GSDME: variants seen among roughly 807,000 people sequenced by gnomAD.
GSDME encodes gasdermin-E.
Under a neutral mutation model 47.5 loss-of-function variants are expected in GSDME, and 44 were observed. The observed-to-expected ratio is 0.93, with a 90% CI of 0.73 to 1.19. The LOEUF (loss-of-function observed/expected upper bound fraction) is 1.19. GSDME is among the 50% of genes most tolerant of loss of function. The probability of loss-of-function intolerance (pLI) is 0.00; values close to 1 mark genes in which losing one functional copy is unlikely to be tolerated. For synonymous variants in GSDME, 258 were observed against 252.8 expected (o/e 1.02, Z -0.20); for missense variants, 663 against 604.2 (o/e 1.10, Z -1.02).
At chr7:24,764,916 A>G in the GSDME span, among the ~76,000 whole-genome samples, 1 of 152,184 alleles carries the variant, frequency 6.6e-6, no homozygotes, top group Non-Finnish European at 1.5e-5. The surrounding 1 kb of genome is among the most constrained non-coding windows in gnomAD (Gnocchi z 4.4). Context: ...ATAAATCTGG[A>G]TTCCTGCCTT....
Position 24,717,324 on chromosome 7 carries a change from C to T in GSDME, c.627G>A (p.Leu209=). 6.2e-7 allele frequency: 1 copy of T among 1,610,916 alleles called. No individual in the cohort carries two copies. The highest frequency in any genetic ancestry group is 8.5e-7 in the Non-Finnish European group (1 of 1,178,810). ...GNVTKDSNVV[L]EIPAATTIAY... is the part of the protein sequence containing the mutation. ...CAATGGTGGTGGCAGCTGGGATCTC[C>T]AGCACCACGTTGGAGTCCTTGGTGA... The change falls in exon 5 of 10, where the codon CTG becomes CTA. Residue 209 remains leucine (L), a synonymous_variant. Coordinates refer to ENST00000645220, the MANE Select transcript of GSDME (RefSeq NM_001127453.2).
chr7:24,774,140 C>T, the GSDME span, among the ~76,000 whole-genome samples: 2 of 152,142 alleles, frequency 1.3e-5, no homozygotes, highest in African/African-American at 4.8e-5. Flanking sequence ...TCCATCATGG[C>T]TGCTCCAAAG....
the GSDME span, among the ~76,000 whole-genome samples, chr7:24,769,953 T>A: frequency 1.4e-4 from 21 of 152,358 alleles, no homozygotes; most frequent in East Asian, 3.5e-3. Flanking sequence ...CCCTGGTTCC[T>A]GGCACAGAGC....
the GSDME span, among the ~76,000 whole-genome samples, chr7:24,770,002 T>G: frequency 3.0e-4 from 45 of 152,166 alleles, no homozygotes; most frequent in South Asian, 1.7e-3. The surrounding 1 kb of genome is among the most constrained non-coding windows in gnomAD (Gnocchi z 4.6). Flanking sequence ...TAAGTTTGTT[T>G]TTGGTGTTTA....
rs1222551956 is a variant in GSDME at position 24,708,223 on chromosome 7, T to C, written c.894A>G (p.Pro298=). The C allele has an allele frequency of 1.9e-6, 3 of 1,614,084 alleles. No homozygotes were observed. The highest frequency in any genetic ancestry group is 2.5e-6 in the Non-Finnish European group (3 of 1,180,032). The change falls in exon 7 of 10, where the codon CCA becomes CCG. Residue 298 remains proline (P), a synonymous_variant. Coordinates refer to ENST00000645220, the MANE Select transcript of GSDME (RefSeq NM_001127453.2). ...GTTGTGGCTCAGGCAGCTCCGCAAA[T>C]GGATGGAAATTCCTCTCCAGGAGCA... is the stretch of plus-strand genomic sequence containing the variant. The part of the protein sequence containing the change: ...ATLLLERNFH[P]FAELPEPQQT...
intron 9 of GSDME, among the ~76,000 whole-genome samples, chr7:24,699,520 A>G (rs1689961980): frequency 6.6e-6 from 1 of 152,060 alleles, no homozygotes; most frequent in Non-Finnish European, 1.5e-5. Context: ...TTGTATTTTT[A>G]GTAGAGATGG....
At chr7:24,753,368 T>A (rs1163069156) in intron 1 of GSDME, among the ~76,000 whole-genome samples, 1 of 152,242 alleles carries the variant, frequency 6.6e-6, no homozygotes, top group Non-Finnish European at 1.5e-5. Flanking sequence ...TTCTGCCACA[T>A]ACTCCCTTAT....
Position 24,721,864 on chromosome 7 carries a change from A to T in GSDME, c.405-2646T>A, listed in dbSNP as rs1789801378. On this transcript the variant is annotated intron_variant, in intron 3 of 9. Transcript: ENST00000645220. The surrounding 1 kb of genome is among the most constrained non-coding windows in gnomAD (Gnocchi z 4.1). ...GACTTTATCTTCCAGCCTTCTTACT[A>T]CTCCTTAAAAATGCCAGGTGTGTGC... Among the ~76,000 whole-genome samples, 1 of 151,736 alleles carries T rather than the reference A, an allele frequency of 6.6e-6. No homozygotes were observed. The highest frequency in any genetic ancestry group is 2.4e-5 in the African/African-American group (1 of 41,242).
chr7:24,774,205 A>G, the GSDME span, among the ~76,000 whole-genome samples: 11 of 151,612 alleles, frequency 7.3e-5, no homozygotes, highest in Non-Finnish European at 1.2e-4. Flanking sequence ...GCTCCTTAAC[A>G]TGAACAGTAT....
At chr7:24,723,013 A>G (rs890323738) in intron 3 of GSDME, among the ~76,000 whole-genome samples, 1 of 152,212 alleles carries the variant, frequency 6.6e-6, no homozygotes, top group Admixed American at 6.5e-5. Flanking sequence ...CATGCAGGCC[A>G]CTGGGAATCC....
At chr7:24,734,091 T>A (rs939207356) in intron 3 of GSDME, among the ~76,000 whole-genome samples, 9 of 152,150 alleles carry the variant, frequency 5.9e-5, no homozygotes, top group Non-Finnish European at 1.3e-4. Context: ...AGAGAGAGAC[T>A]CTGTTTTGGA....
At chr7:24,760,972 C>T (rs1791157857), upstream of GSDME, among the ~76,000 whole-genome samples, 1 of 152,158 alleles carries the variant, frequency 6.6e-6, no homozygotes, top group Non-Finnish European at 1.5e-5. The surrounding 1 kb of genome is among the most constrained non-coding windows in gnomAD (Gnocchi z 4.2). Flanking sequence ...CCAATATTGT[C>T]AAAATCAAAA....
chr7:24,755,310 T>C (rs1318217425), intron 1 of GSDME, among the ~76,000 whole-genome samples: 1 of 152,160 alleles, frequency 6.6e-6, no homozygotes, highest in Non-Finnish European at 1.5e-5. Context: ...ACCACCCCCC[T>C]TCCAATCATT....
At position 24,716,389 on chromosome 7, in the gene GSDME, C is replaced by T. The variant is rs544486398; in HGVS notation, c.697+865G>A. On this transcript the variant is annotated intron_variant, in intron 5 of 9. Coordinates refer to ENST00000645220, the MANE Select transcript of GSDME (RefSeq NM_001127453.2). This position sits in a 1 kb window ranked among gnomAD's most constrained non-coding sequence, Gnocchi z 4.5. The stretch of plus-strand genomic sequence containing the variant: ...TTTCATCCGTGAATGTTTCAGTGTA[C>T]ATCTCTCAAAGATAGGATGACTCAT... 6 of 152,358 alleles carry T rather than the reference C, an allele frequency of 3.9e-5. No homozygotes were observed. The highest frequency in any genetic ancestry group is 1.4e-4 in the African/African-American group (6 of 41,570). 9.4% of individuals were successfully genotyped at this position (152,358 alleles called of 1,614,324 possible). A position where few individuals can be genotyped will look rare whatever the true frequency, so the allele number is the denominator to read the frequency against.
chr7:24,717,221 G>T, intron 5 of GSDME, 33 bp downstream of exon 5: 1 of 1,613,676 alleles, frequency 6.2e-7, no homozygotes, highest in Non-Finnish European at 8.5e-7. Context: ...CTCTGCTGGG[G>T]ATCCCTCAGC....
intron 9 of GSDME, among the ~76,000 whole-genome samples, chr7:24,700,232 A>G (rs1178837956): frequency 6.6e-6 from 1 of 152,188 alleles, no homozygotes; most frequent in Non-Finnish European, 1.5e-5. Flanking sequence ...TGCCGTGCCT[A>G]CAACACAGAC....
chr7:24,777,823 A>T, the GSDME span, among the ~76,000 whole-genome samples: 1 of 152,184 alleles, frequency 6.6e-6, no homozygotes, highest in South Asian at 2.1e-4. Flanking sequence ...GCTTGAGCCC[A>T]GGAGTTTGAG....
the GSDME span, among the ~76,000 whole-genome samples, chr7:24,779,644 G>A: frequency 6.6e-6 from 1 of 152,168 alleles, no homozygotes; most frequent in African/African-American, 2.4e-5. The surrounding 1 kb of genome is among the most constrained non-coding windows in gnomAD (Gnocchi z 6.0). Context: ...CACGTATCAA[G>A]ACGTGCAGAG....
the GSDME span, among the ~76,000 whole-genome samples, chr7:24,794,116 G>A: frequency 6.6e-6 from 1 of 151,132 alleles, no homozygotes; most frequent in Non-Finnish European, 1.5e-5. Flanking sequence ...AGTGTACACT[G>A]TTTTTTTCTT....
Sources: gnomAD v4.1 joint callset for allele counts (sites outside exome capture counted in the v4.1 genomes callset) on GRCh38, gnomAD v4.1.1 for gene constraint, Gnocchi (gnomAD v3.1) non-coding constraint, MANE v1.5 for transcripts, NCBI Gene and HGNC (gene_info 2026-07-23, HGNC 2026-07-21) for gene names.